The following CPQ variants were observed in gnomAD, a reference collection of about 807,000 sequenced individuals.
The protein encoded by CPQ is Ser-Met dipeptidase.
CPQ carries 37 observed loss-of-function variants against 45.7 expected under a neutral mutation model. The ratio of observed to expected loss-of-function variants is 0.81; its 90% CI spans 0.62 to 1.07. The LOEUF is 1.07. Ranked by LOEUF, CPQ falls within the 50% of genes least tolerant of loss-of-function variation. The pLI is 0.00. For synonymous variants in CPQ, 186 were observed against 205.8 expected, an observed-to-expected ratio of 0.90 and a Z score of 0.82; for missense variants, 537 against 572.9, an observed-to-expected ratio of 0.94 and a Z score of 0.64.
chr8:96,728,992 G>A (rs1266944570), intron 1 of CPQ, among the ~76,000 whole-genome samples: 1 of 152,164 alleles, frequency 6.6e-6, no homozygotes, highest in Non-Finnish European at 1.5e-5. Context: ...CCTATTGGAT[G>A]TAGTAAGTGA....
At chr8:96,702,226 C>T (rs1410047301) in intron 1 of CPQ, among the ~76,000 whole-genome samples, 4 of 152,284 alleles carry the variant, frequency 2.6e-5, no homozygotes, top group Non-Finnish European at 5.9e-5. Flanking sequence ...GCCGTCTAGT[C>T]TTCAGTTGAA....
chr8:97,125,121 A>G (rs1811826170), intron 7 of CPQ, among the ~76,000 whole-genome samples: 1 of 152,190 alleles, frequency 6.6e-6, no homozygotes, highest in Non-Finnish European at 1.5e-5. Flanking sequence ...ATGAACAAAC[A>G]TATACAAAAA....
At chr8:96,667,442 G>A (rs1586351053) in intron 1 of CPQ, among the ~76,000 whole-genome samples, 1 of 150,324 alleles carries the variant, frequency 6.7e-6, no homozygotes, top group Non-Finnish European at 1.5e-5. Flanking sequence ...TCCGCCTCCC[G>A]GGTTCAAGCA....
chr8:97,055,962 G>A (rs1013469931), intron 6 of CPQ, among the ~76,000 whole-genome samples: 6 of 152,122 alleles, frequency 3.9e-5, no homozygotes, highest in South Asian at 2.1e-4. Context: ...TTAGCTGGGC[G>A]TGGTGGTGCA....
chr8:96,745,220 A>G (rs558803133), intron 1 of CPQ, among the ~76,000 whole-genome samples: 1 of 152,234 alleles, frequency 6.6e-6, no homozygotes, highest in African/African-American at 2.4e-5. Flanking sequence ...AGACAGGAGA[A>G]TCACTTGAAC....
intron 1 of CPQ, among the ~76,000 whole-genome samples, chr8:96,733,823 G>A (rs925180606): frequency 6.6e-6 from 1 of 152,124 alleles, no homozygotes; most frequent in Non-Finnish European, 1.5e-5. Flanking sequence ...ATATTGAAGT[G>A]CTCAATAGCT....
rs111858437 is a variant in CPQ, at chr8:96,886,678, C to G, written c.849+6673C>G. Reference sequence around the variant, plus strand: ...GTACAAACACATCTGGAACATAACTCTAGATTTCTGGACTCCCATTTCTTT... The same window carrying G: ...GTACAAACACATCTGGAACATAACTGTAGATTTCTGGACTCCCATTTCTTT... On this transcript the variant is annotated intron_variant, in intron 4 of 7. Transcript: ENST00000220763. 6.2e-3 allele frequency among the ~76,000 whole-genome samples: 938 copies of G among 152,268 alleles called. 14 individuals are homozygous for G. Among genetic ancestry groups the G allele is most frequent in the African/African-American group, 0.022 (902 of 41,546 alleles).
chr8:97,129,852 T>C (rs1267385308), intron 7 of CPQ, among the ~76,000 whole-genome samples: 4 of 152,212 alleles, frequency 2.6e-5, no homozygotes, highest in African/African-American at 9.6e-5. Context: ...TGCCCACCAC[T>C]CTTTCCCCAG....
intron 1 of CPQ, among the ~76,000 whole-genome samples, chr8:96,670,435 T>C (rs149193758): frequency 1.3e-5 from 2 of 151,688 alleles, no homozygotes; most frequent in East Asian, 3.9e-4. Context: ...TTAGCAAATA[T>C]GGAATCCACA....
Position 96,652,900 on chromosome 8 carries a change from C to A in CPQ, c.-35+7498C>A, listed in dbSNP as rs144067274. On this transcript the variant is annotated intron_variant, in intron 1 of 7. Coordinates refer to ENST00000220763, the MANE Select transcript of CPQ (RefSeq NM_016134.4). The stretch of plus-strand genomic sequence containing the variant: ...CCGCCCGCCTCAGCCTCCCAAAGTA[C>A]TGGGATTACAGGCGTGAGCCACCGC... Among the ~76,000 whole-genome samples, 141 of 152,322 alleles carry A rather than the reference C, an allele frequency of 9.3e-4. 1 individual carries two copies. The East Asian group carries it at 0.025, about 27-fold the overall frequency.
intron 1 of CPQ, among the ~76,000 whole-genome samples, chr8:96,781,401 G>A (rs548525982): frequency 6.6e-6 from 1 of 152,122 alleles, no homozygotes; most frequent in South Asian, 2.1e-4. Context: ...GGCAAGAGAG[G>A]GAGAGAGAAA....
At chr8:96,783,279 G>A (rs1586398805) in intron 1 of CPQ, among the ~76,000 whole-genome samples, 1 of 152,072 alleles carries the variant, frequency 6.6e-6, no homozygotes, top group Non-Finnish European at 1.5e-5. Context: ...GTGTGTGTGT[G>A]TGTGTGCTGC....
intron 3 of CPQ, among the ~76,000 whole-genome samples, chr8:96,876,567 A>G (rs1192882696): frequency 6.6e-6 from 1 of 152,102 alleles, no homozygotes; most frequent in African/African-American, 2.4e-5. Context: ...GCTGTGGGAT[A>G]TTTGTAGATG....
At chr8:96,716,165 T>C (rs1381036166) in intron 1 of CPQ, among the ~76,000 whole-genome samples, 1 of 152,190 alleles carries the variant, frequency 6.6e-6, no homozygotes, top group African/African-American at 2.4e-5. Flanking sequence ...GCCTGGGCGC[T>C]GTGTCATTTT....
At chr8:96,840,951 T>C (rs1332053794) in intron 3 of CPQ, among the ~76,000 whole-genome samples, 1 of 152,216 alleles carries the variant, frequency 6.6e-6, no homozygotes, top group Non-Finnish European at 1.5e-5. Flanking sequence ...TTGGGCAAAC[T>C]TCAGCTGAGC....
At position 96,645,285 on chromosome 8, in the gene CPQ, G is replaced by C. The variant is rs1031252252; in HGVS notation, c.-152G>C. The C allele has an allele frequency of 6.6e-6, 1 of 152,240 alleles. No individual in the cohort carries two copies. The highest frequency in any genetic ancestry group is 1.5e-5 in the Non-Finnish European group (1 of 68,082). The allele number at this position is 152,240 out of a possible 1,614,324, so 9.4% of individuals were successfully genotyped here. On this transcript the variant is annotated 5_prime_UTR_variant, in exon 1 of 8. Transcript: ENST00000220763. ...GGCCGGCAAGCAGGGCTGCAGTCAC[G>C]GGGCGGCGCGGAGGGCCCCAGCCCA...
chr8:96,798,489 A>G lies in CPQ; in HGVS notation c.433+13159A>G, dbSNP rs759806737. ...TTTCAAAGGTTTCTATCTTTTGTTTATAAACATTCTCCTTAAGTGATATGA... is the reference window on the plus strand; with the variant it reads ...TTTCAAAGGTTTCTATCTTTTGTTTGTAAACATTCTCCTTAAGTGATATGA... On this transcript the variant is annotated intron_variant, in intron 2 of 7. Coordinates refer to ENST00000220763, the MANE Select transcript of CPQ (RefSeq NM_016134.4). 4.6e-5 allele frequency among the ~76,000 whole-genome samples: 7 copies of G among 152,126 alleles called. No homozygotes were observed. The South Asian group carries it at 1.0e-3, about 23-fold the overall frequency.
At chr8:96,888,278 G>T (rs1224285254) in intron 4 of CPQ, among the ~76,000 whole-genome samples, 1 of 152,164 alleles carries the variant, frequency 6.6e-6, no homozygotes. Context: ...GACTAGATGG[G>T]TGTTGTGAGG....
intron 7 of CPQ, among the ~76,000 whole-genome samples, chr8:97,111,367 T>C (rs1435391419): frequency 6.6e-6 from 1 of 152,134 alleles, no homozygotes; most frequent in Admixed American, 6.5e-5. Context: ...ATTACAACCT[T>C]CCCAGGATGA....
Sources: gnomAD v4.1 joint callset for allele counts (sites outside exome capture counted in the v4.1 genomes callset) on GRCh38, gnomAD v4.1.1 for gene constraint, MANE v1.5 for transcripts, NCBI Gene and HGNC (gene_info 2026-07-23, HGNC 2026-07-21) for gene names.